Variants in IL1RL2 observed in about 807,000 individuals in gnomAD.
IL1RL2 encodes interleukin 1 receptor like 2, also known as interleukin-1 receptor-like 2.
A neutral mutation model predicts 66.8 loss-of-function variants in IL1RL2; 68 were observed. The observed-to-expected ratio is 1.02, with a 90% confidence interval of 0.84 to 1.25. IL1RL2 has a LOEUF of 1.25. Ranked by LOEUF, IL1RL2 falls within the 50% of genes most tolerant of loss-of-function variation. The pLI, the probability that IL1RL2 is intolerant of heterozygous loss-of-function variation, is 0.00. For missense variants in IL1RL2, 729 were observed against 709.3 expected, an observed-to-expected ratio of 1.03 and a Z score of -0.32; for synonymous variants, 305 against 264.6, an observed-to-expected ratio of 1.15 and a Z score of -1.48.
intron 8 of IL1RL2, among the ~76,000 whole-genome samples, 158 bp downstream of exon 8, chr2:102,220,175 A>C (rs1303697381): frequency 2.0e-5 from 3 of 152,202 alleles, no homozygotes; most frequent in African/African-American, 7.2e-5. Context: ...CTCATGCAAC[A>C]GCTCATAATG....
At chr2:102,203,639 G>A (rs1432839205) in intron 5 of IL1RL2, among the ~76,000 whole-genome samples, 1 of 151,938 alleles carries the variant, frequency 6.6e-6, no homozygotes, top group African/African-American at 2.4e-5. Context: ...TTCAATCTTG[G>A]TAGGTTGTAT....
intron 9 of IL1RL2, among the ~76,000 whole-genome samples, chr2:102,226,439 A>G (rs1690622783): frequency 6.6e-6 from 1 of 152,220 alleles, no homozygotes; most frequent in Admixed American, 6.5e-5. Flanking sequence ...ATGGAGAGGG[A>G]TGAGCTGCCT....
rs1330798516 is a variant in IL1RL2, at chr2:102,238,462, T to G, written c.1679-730T>G. On this transcript the variant is annotated intron_variant, in intron 11 of 11. Coordinates refer to ENST00000264257, the MANE Select transcript of IL1RL2 (RefSeq NM_003854.4). The stretch of plus-strand genomic sequence containing the variant: ...GGAGCTGGCCTGCCAAAATATGGAA[T>G]GTGCTCAGGGAGCCTCAGTCCCCAG... 5.9e-5 allele frequency among the ~76,000 whole-genome samples: 9 copies of G among 152,280 alleles called. No individual in the cohort carries two copies. The East Asian group carries it at 7.7e-4, about 13-fold the overall frequency.
At chr2:102,188,025 C>A in intron 2 of IL1RL2, 100 bp downstream of exon 2, 1 of 1,120,164 alleles carries the variant, frequency 8.9e-7, no homozygotes, top group Non-Finnish European at 1.4e-6. Context: ...CCGAGCGCGG[C>A]TCCTTCCCCT....
intron 11 of IL1RL2, 77 bp from the exon 12 acceptor site, chr2:102,239,115 C>T (rs1452188793): frequency 1.5e-6 from 2 of 1,346,358 alleles, no homozygotes; most frequent in Non-Finnish European, 2.1e-6. Context: ...TTTTCGCATT[C>T]CCATGGCAGG....
In IL1RL2 at chr2:102,218,957, C is replaced by G; in HGVS notation, c.729C>G (p.Thr243=). Residue 243 remains threonine (T), a synonymous_variant, in exon 7 of 12, where the codon ACC becomes ACG. Transcript: ENST00000264257. ...KNHSIEVQLG[T]TLIVDCNVTD... is the part of the protein sequence containing the mutation. ...GATGATATTGGTTTTTTTTAGGTAC[C>G]ACTCTGATTGTGGACTGCAATGTAA... 5 of 1,609,998 alleles carry G rather than the reference C, an allele frequency of 3.1e-6. No homozygotes were observed. The highest frequency in any genetic ancestry group is 3.4e-6 in the Non-Finnish European group (4 of 1,177,816).
At position 102,189,239 on chromosome 2, in the gene IL1RL2, C is replaced by T; in HGVS notation, c.222C>T (p.His74=). 6.2e-7 allele frequency: 1 copy of T among 1,614,038 alleles called. No homozygotes were observed. The highest frequency in any genetic ancestry group is 8.5e-7 in the Non-Finnish European group (1 of 1,179,998). The change falls in exon 3 of 12, where the codon CAC becomes CAT. Residue 74 remains histidine (H), a synonymous_variant. Transcript: ENST00000264257. ...CCAAAATCATACAGTCTAGAATTCA[C>T]CAGGACGAGACTTGGATTTTGTTTC... ...PVSKIIQSRI[H]QDETWILFLP...
intron 4 of IL1RL2, among the ~76,000 whole-genome samples, chr2:102,194,228 A>G (rs1193318468): frequency 2.0e-5 from 3 of 152,198 alleles, no homozygotes; most frequent in South Asian, 4.1e-4. Context: ...GAATAAAATC[A>G]TATGTAGTGT....
chr2:102,221,866 A>G (rs900540175), intron 8 of IL1RL2, among the ~76,000 whole-genome samples: 9 of 152,248 alleles, frequency 5.9e-5, no homozygotes, highest in African/African-American at 2.2e-4. Flanking sequence ...TATAATGCAT[A>G]TATGTGTTAT....
chr2:102,232,898 C>T, intron 9 of IL1RL2, 65 bp from the exon 10 acceptor site: 8 of 1,557,762 alleles, frequency 5.1e-6, no homozygotes, highest in Non-Finnish European at 7.0e-6. Flanking sequence ...GCTCAGGCTT[C>T]CGGTTTATTA....
Position 102,187,064 on chromosome 2 carries a change from G to T in IL1RL2, c.-35G>T, listed in dbSNP as rs1298192531. The T allele has an allele frequency of 7.8e-6, 10 of 1,289,782 alleles. No individual in the cohort carries two copies. The highest frequency in any genetic ancestry group is 1.0e-5 in the Non-Finnish European group (10 of 988,882). 79.9% of individuals were successfully genotyped at this position (1,289,782 alleles called of 1,614,324 possible). A position where few individuals can be genotyped will look rare whatever the true frequency, so the allele number is the denominator to read the frequency against. Reference sequence around the variant, plus strand: ...TATTTTCCACTCTCCACGAGGTCCTGCGCGCTTCAATCCTGCAGGCAGGTA... The same window carrying T: ...TATTTTCCACTCTCCACGAGGTCCTTCGCGCTTCAATCCTGCAGGCAGGTA... On this transcript the variant is annotated 5_prime_UTR_variant, in exon 1 of 12. Coordinates refer to ENST00000264257, the MANE Select transcript of IL1RL2 (RefSeq NM_003854.4).
chr2:102,231,354 C>G (rs529644574), intron 9 of IL1RL2, among the ~76,000 whole-genome samples: 1 of 152,152 alleles, frequency 6.6e-6, no homozygotes, highest in South Asian at 2.1e-4. Context: ...AAAAATTAGC[C>G]GGGCCTGGTG....
At chr2:102,238,374 G>A (rs1675054046) in intron 11 of IL1RL2, among the ~76,000 whole-genome samples, 1 of 152,152 alleles carries the variant, frequency 6.6e-6, no homozygotes, top group African/African-American at 2.4e-5. Flanking sequence ...TCTTTCCCCG[G>A]AGGACCAAGC....
chr2:102,188,325 C>T (rs1169535780), intron 2 of IL1RL2, among the ~76,000 whole-genome samples: 3 of 152,186 alleles, frequency 2.0e-5, no homozygotes, highest in African/African-American at 7.2e-5. Context: ...TGGCTCATGC[C>T]TGTAATCCCA....
At chr2:102,231,580 A>G (rs574176213) in intron 9 of IL1RL2, among the ~76,000 whole-genome samples, 1 of 151,982 alleles carries the variant, frequency 6.6e-6, no homozygotes, top group Non-Finnish European at 1.5e-5. Flanking sequence ...TTTTTCAAGA[A>G]CTCCAGACCA....
At chr2:102,222,308 T>C (rs1690211284) in intron 8 of IL1RL2, among the ~76,000 whole-genome samples, 1 of 152,210 alleles carries the variant, frequency 6.6e-6, no homozygotes, top group Non-Finnish European at 1.5e-5. Flanking sequence ...GTTTTGAGTT[T>C]GGAACTCTTA....
intron 8 of IL1RL2, among the ~76,000 whole-genome samples, chr2:102,221,852 G>T (rs1185913069): frequency 6.6e-6 from 1 of 152,064 alleles, no homozygotes. Context: ...TTTTTATTGT[G>T]GAATATAATG....
chr2:102,241,791 A>C (rs573797471), downstream of IL1RL2, among the ~76,000 whole-genome samples: 3 of 152,360 alleles, frequency 2.0e-5, no homozygotes, highest in Admixed American at 2.0e-4. Flanking sequence ...GCCCCAGGGA[A>C]GTGTATCACC....
At chr2:102,234,276 C>A (rs1349749022) in intron 10 of IL1RL2, among the ~76,000 whole-genome samples, 1 of 152,158 alleles carries the variant, frequency 6.6e-6, no homozygotes, top group Non-Finnish European at 1.5e-5. Flanking sequence ...ATACACCAGA[C>A]CTTCAGCTAG....
Sources: gnomAD v4.1 joint callset for allele counts (sites outside exome capture counted in the v4.1 genomes callset) on GRCh38, gnomAD v4.1.1 for gene constraint, MANE v1.5 for transcripts, NCBI Gene and HGNC (gene_info 2026-07-23, HGNC 2026-07-21) for gene names.